The following TMEM117 variants were observed in gnomAD, a reference collection of about 807,000 sequenced individuals.
The protein encoded by TMEM117 is transmembrane protein 117.
In TMEM117, 27 loss-of-function variants were observed where a neutral mutation model predicts 52.4. The ratio of observed to expected loss-of-function variants is 0.51; its 90% CI spans 0.38 to 0.71. TMEM117 has a LOEUF of 0.71. TMEM117 is among the 30% of genes least tolerant of loss of function. The probability of loss-of-function intolerance (pLI) is 0.00; values close to 1 mark genes in which losing one functional copy is unlikely to be tolerated. For missense variants in TMEM117, 556 were observed against 630.5 expected (o/e 0.88, Z 1.26); for synonymous variants, 215 against 206.3 (o/e 1.04, Z -0.36).
At chr12:43,839,085 TTTATTAGTTA>T (rs551580252) in intron 1 of TMEM117, among the ~76,000 whole-genome samples, 2 of 152,214 alleles carry the variant, frequency 1.3e-5, no homozygotes, top group East Asian at 3.9e-4. Flanking sequence ...ATTAGTAAAT[TTTATTAGTTA>T]TTTTTGAATG....
At chr12:44,215,984 CCTTT>C (rs202099319) in intron 5 of TMEM117, among the ~76,000 whole-genome samples, 266 of 143,938 alleles carry the variant, frequency 1.8e-3, no homozygotes, top group Middle Eastern at 3.6e-3. Flanking sequence ...GAAAGGAGCT[CCTTT>C]CTTTCTTTCT....
At chr12:44,362,964 A>G (rs1476801422) in intron 6 of TMEM117, among the ~76,000 whole-genome samples, 1 of 151,578 alleles carries the variant, frequency 6.6e-6, no homozygotes, top group African/African-American at 2.4e-5. Context: ...GTGATTCTCC[A>G]TCCTCAGCCT....
At chr12:44,197,885 TAAG>T (rs1304795448) in intron 4 of TMEM117, among the ~76,000 whole-genome samples, 1 of 152,136 alleles carries the variant, frequency 6.6e-6, no homozygotes, top group Non-Finnish European at 1.5e-5. Context: ...ATTGAGATAA[TAAG>T]AAGATGCATT....
At chr12:44,340,208 C>G (rs1951398766) in intron 6 of TMEM117, among the ~76,000 whole-genome samples, 1 of 152,034 alleles carries the variant, frequency 6.6e-6, no homozygotes, top group Non-Finnish European at 1.5e-5. Context: ...AACCTGACTC[C>G]TTACACCAAA....
At chr12:44,307,723 A>G (rs995179295) in intron 6 of TMEM117, among the ~76,000 whole-genome samples, 1 of 152,214 alleles carries the variant, frequency 6.6e-6, no homozygotes, top group African/African-American at 2.4e-5. Context: ...AGACCTCCAA[A>G]TAGTAGACAG....
At chr12:44,292,619 T>C (rs1950718790) in intron 5 of TMEM117, among the ~76,000 whole-genome samples, 1 of 152,032 alleles carries the variant, frequency 6.6e-6, no homozygotes, top group African/African-American at 2.4e-5. Flanking sequence ...CTCTTAGAAC[T>C]GTATTTGCTG....
intron 3 of TMEM117, among the ~76,000 whole-genome samples, chr12:44,128,500 G>A (rs930243138): frequency 1.3e-5 from 2 of 152,208 alleles, no homozygotes; most frequent in African/African-American, 2.4e-5. Flanking sequence ...TCCAGGAGGT[G>A]TTCAATCAAT....
chr12:44,006,253 G>A (rs997016203), intron 3 of TMEM117, among the ~76,000 whole-genome samples: 9 of 152,210 alleles, frequency 5.9e-5, no homozygotes, highest in Admixed American at 3.3e-4. Context: ...ATGTCATTTT[G>A]TATGTCTGTG....
At chr12:44,120,287 G>T (rs1322509926) in intron 3 of TMEM117, among the ~76,000 whole-genome samples, 1 of 152,148 alleles carries the variant, frequency 6.6e-6, no homozygotes, top group Non-Finnish European at 1.5e-5. Flanking sequence ...CATGTGTATT[G>T]TTAGGCCAAC....
intron 3 of TMEM117, among the ~76,000 whole-genome samples, chr12:44,117,459 A>T (rs1395793450): frequency 6.6e-6 from 1 of 152,006 alleles, no homozygotes; most frequent in African/African-American, 2.4e-5. Context: ...AATCAGTTGC[A>T]TCATGATTGG....
At chr12:44,185,957 T>C (rs1949272881) in intron 4 of TMEM117, among the ~76,000 whole-genome samples, 1 of 151,838 alleles carries the variant, frequency 6.6e-6, no homozygotes, top group Admixed American at 6.6e-5. Context: ...GTGCCTTTTC[T>C]CACATGCATT....
intron 2 of TMEM117, among the ~76,000 whole-genome samples, chr12:43,940,455 G>C (rs769135904): frequency 3.3e-5 from 5 of 152,132 alleles, no homozygotes; most frequent in Non-Finnish European, 5.9e-5. Context: ...GCAGCAAAAA[G>C]GCCAAGAAAC....
At chr12:44,078,528 G>A (rs1286762112) in intron 3 of TMEM117, among the ~76,000 whole-genome samples, 2 of 152,166 alleles carry the variant, frequency 1.3e-5, no homozygotes, top group Non-Finnish European at 2.9e-5. Flanking sequence ...ACCAGTGCAC[G>A]ATTGGATGAA....
intron 6 of TMEM117, among the ~76,000 whole-genome samples, chr12:44,316,246 CTT>C (rs1024390036): frequency 6.6e-6 from 1 of 152,070 alleles, no homozygotes; most frequent in African/African-American, 2.4e-5. Flanking sequence ...TTAAGGACCT[CTT>C]TTAAGCCTGG....
At chr12:44,070,085 C>G (rs1462847173) in intron 3 of TMEM117, among the ~76,000 whole-genome samples, 2 of 152,100 alleles carry the variant, frequency 1.3e-5, no homozygotes, top group African/African-American at 4.8e-5. Context: ...GAGATAGGGT[C>G]TTGCCATGTT....
chr12:44,166,695 A>G (rs913619318), intron 4 of TMEM117, among the ~76,000 whole-genome samples: 1 of 152,222 alleles, frequency 6.6e-6, no homozygotes, highest in African/African-American at 2.4e-5. Context: ...TATATTTATT[A>G]GTCCTCTAGT....
At chr12:44,063,743 A>T (rs1947178713) in intron 3 of TMEM117, among the ~76,000 whole-genome samples, 1 of 151,540 alleles carries the variant, frequency 6.6e-6, no homozygotes, top group Non-Finnish European at 1.5e-5. Context: ...TTCCCTCTGT[A>T]CATTGTTCTT....
At chr12:44,209,685 G>C (rs554915905) in intron 4 of TMEM117, among the ~76,000 whole-genome samples, 2 of 152,246 alleles carry the variant, frequency 1.3e-5, no homozygotes, top group Admixed American at 6.5e-5. Flanking sequence ...CAGTGAAGGG[G>C]AATGGACTAA....
chr12:43,884,455 A>T (rs571249831), intron 2 of TMEM117, among the ~76,000 whole-genome samples: 1 of 152,276 alleles, frequency 6.6e-6, no homozygotes, highest in East Asian at 1.9e-4. Context: ...ACTTCTGTTC[A>T]GTTCTCTCTA....
Sources: allele counts gnomAD v4.1 joint callset (sites outside exome capture counted in the v4.1 genomes callset), GRCh38; gene constraint gnomAD v4.1.1; transcripts MANE v1.5; gene names NCBI Gene and HGNC (gene_info 2026-07-23, HGNC 2026-07-21).